Variants in CDH4 observed in about 807,000 individuals in gnomAD.
CDH4 encodes the protein cadherin 4, also known as cadherin-4.
A neutral mutation model predicts 86.0 loss-of-function variants in CDH4; 33 were observed. The observed-to-expected ratio is 0.38, with a 90% CI of 0.29 to 0.51. The LOEUF (loss-of-function observed/expected upper bound fraction) is 0.51, where lower values mean the gene tolerates loss of function less well. Ranked by LOEUF, CDH4 falls within the 20% of genes least tolerant of loss-of-function variation. CDH4 has a pLI of 0.86. For synonymous variants in CDH4, 555 were observed against 549.4 expected (o/e 1.01, Z -0.14); for missense variants, 1,114 against 1,307.4 (o/e 0.85, Z 2.28).
At chr20:61,469,597 G>A (rs1426739994) in intron 2 of CDH4, among the ~76,000 whole-genome samples, 2 of 152,098 alleles carry the variant, frequency 1.3e-5, no homozygotes, top group Non-Finnish European at 2.9e-5. Context: ...TGCTTTAGTT[G>A]CCTGTGCTTG....
intron 6 of CDH4, among the ~76,000 whole-genome samples, chr20:61,872,424 C>A (rs1983844810): frequency 6.6e-6 from 1 of 152,122 alleles, no homozygotes; most frequent in Non-Finnish European, 1.5e-5. Context: ...GTGCAAGATC[C>A]CAAGGCTGGT....
intron 2 of CDH4, among the ~76,000 whole-genome samples, chr20:61,347,204 C>T (rs1040592811): frequency 3.3e-5 from 5 of 152,242 alleles, no homozygotes; most frequent in African/African-American, 9.6e-5. Flanking sequence ...CCCACATGGC[C>T]GTGAGGCCCT....
At chr20:61,330,600 G>T (rs974177869) in intron 2 of CDH4, among the ~76,000 whole-genome samples, 3 of 152,182 alleles carry the variant, frequency 2.0e-5, no homozygotes, top group Non-Finnish European at 4.4e-5. Flanking sequence ...GACGGGGAAC[G>T]CCTGCCTTCT....
chr20:61,755,310 G>C (rs2088548787), intron 3 of CDH4, among the ~76,000 whole-genome samples: 1 of 131,082 alleles, frequency 7.6e-6, no homozygotes, highest in Admixed American at 7.5e-5. Flanking sequence ...CACACACACA[G>C]TGCACACCGC....
chr20:61,853,282 C>T (rs1008299022), intron 6 of CDH4, among the ~76,000 whole-genome samples: 3 of 151,966 alleles, frequency 2.0e-5, no homozygotes, highest in African/African-American at 4.8e-5. Flanking sequence ...CCCGGGCAGG[C>T]GGAGAGGCTA....
At chr20:61,609,686 C>T (rs1449917597) in intron 2 of CDH4, among the ~76,000 whole-genome samples, 3 of 152,204 alleles carry the variant, frequency 2.0e-5, no homozygotes, top group African/African-American at 7.2e-5. Context: ...GCTTGGTCAC[C>T]TCGTGTCTTC....
At chr20:61,390,578 C>T (rs13036620) in intron 2 of CDH4, among the ~76,000 whole-genome samples, 13 of 149,714 alleles carry the variant, frequency 8.7e-5, no homozygotes, top group African/African-American at 2.2e-4. Context: ...TGGGTTCGTG[C>T]GGTCATAGGG....
intron 4 of CDH4, among the ~76,000 whole-genome samples, chr20:61,818,976 AG>A (rs1291049092): frequency 6.6e-6 from 1 of 152,204 alleles, no homozygotes; most frequent in Non-Finnish European, 1.5e-5. Flanking sequence ...GCTTAGGGTG[AG>A]CCCTTGGAAC....
At chr20:61,932,834 C>A in intron 13 of CDH4, 151 bp from the exon 14 acceptor site, 1 of 1,011,744 alleles carries the variant, frequency 9.9e-7, no homozygotes, top group Non-Finnish European at 1.4e-6. Flanking sequence ...GAGACATGCG[C>A]GTGTGCAGTA....
At chr20:61,318,521 A>T (rs1432410430) in intron 2 of CDH4, among the ~76,000 whole-genome samples, 1 of 152,070 alleles carries the variant, frequency 6.6e-6, no homozygotes, top group Non-Finnish European at 1.5e-5. Flanking sequence ...ATTTGGTTTT[A>T]TTATTAGATC....
chr20:61,716,213 C>T (rs1266878167), intron 2 of CDH4, among the ~76,000 whole-genome samples: 3 of 152,032 alleles, frequency 2.0e-5, no homozygotes, highest in African/African-American at 7.3e-5. Context: ...AGATGCTCCT[C>T]ACCTGTGAGC....
intron 2 of CDH4, among the ~76,000 whole-genome samples, chr20:61,474,991 T>C (rs932909095): frequency 2.0e-5 from 3 of 152,224 alleles, no homozygotes; most frequent in Non-Finnish European, 4.4e-5. Context: ...TCTGAAAATA[T>C]TAAAAGACCC....
intron 2 of CDH4, among the ~76,000 whole-genome samples, chr20:61,565,835 C>A (rs1486378509): frequency 6.6e-6 from 1 of 152,174 alleles, no homozygotes; most frequent in African/African-American, 2.4e-5. Context: ...AGGCTACATG[C>A]CTGCCTGGAC....
At chr20:61,892,567 G>C (rs1422571318) in intron 7 of CDH4, among the ~76,000 whole-genome samples, 1 of 152,164 alleles carries the variant, frequency 6.6e-6, no homozygotes, top group Non-Finnish European at 1.5e-5. Context: ...TCTAGGGGCT[G>C]GGGAGCTTGA....
chr20:61,452,645 T>C (rs1282268008), intron 2 of CDH4, among the ~76,000 whole-genome samples: 1 of 152,202 alleles, frequency 6.6e-6, no homozygotes, highest in Non-Finnish European at 1.5e-5. Flanking sequence ...TGTTGAAGAG[T>C]TTTCCCACAC....
At chr20:61,757,171 C>T (rs572841219) in intron 3 of CDH4, among the ~76,000 whole-genome samples, 12 of 152,288 alleles carry the variant, frequency 7.9e-5, no homozygotes, top group African/African-American at 2.9e-4. Flanking sequence ...ATTCCATGGC[C>T]CCTGGGTTCA....
At chr20:61,692,417 G>A (rs2087669930) in intron 2 of CDH4, among the ~76,000 whole-genome samples, 1 of 152,170 alleles carries the variant, frequency 6.6e-6, no homozygotes, top group Non-Finnish European at 1.5e-5. Flanking sequence ...TTTTATTTTT[G>A]TTCTGGTTAA....
At position 61,380,523 on chromosome 20, in the gene CDH4, A is replaced by G. The variant is rs548163470; in HGVS notation, c.169+125586A>G. Among the ~76,000 whole-genome samples the G allele has an allele frequency of 4.0e-5, 6 of 148,968 alleles. No homozygotes were observed. In the East Asian group the frequency reaches 1.2e-3, roughly 29 times the overall value. On this transcript the variant is annotated intron_variant, in intron 2 of 15. Coordinates refer to ENST00000614565, the MANE Select transcript of CDH4 (RefSeq NM_001794.5). ...CTCCCACCAACAACACCATCCTACA[A>G]ACCCCCCTGCCCCCTCCCACCTGTT...
intron 9 of CDH4, among the ~76,000 whole-genome samples, chr20:61,913,562 A>G (rs1056398369): frequency 1.4e-4 from 21 of 152,222 alleles, no homozygotes; most frequent in African/African-American, 5.1e-4. Flanking sequence ...GGTTCCAAGC[A>G]TATAGCACAG....
Sources: gnomAD v4.1 joint callset for allele counts (sites outside exome capture counted in the v4.1 genomes callset) on GRCh38, gnomAD v4.1.1 for gene constraint, MANE v1.5 for transcripts, NCBI Gene and HGNC (gene_info 2026-07-23, HGNC 2026-07-21) for gene names.